Variants in AEN observed in about 807,000 individuals in gnomAD.
The protein encoded by AEN is apoptosis-enhancing nuclease.
Under a neutral mutation model 17.7 loss-of-function variants are expected in AEN, and 21 were observed. The ratio of observed to expected loss-of-function variants is 1.19; its 90% CI spans 0.84 to 1.71. The LOEUF (loss-of-function observed/expected upper bound fraction) is 1.71. AEN is among the 40% of genes most tolerant of loss of function. The probability of loss-of-function intolerance (pLI) is 0.00; values close to 1 mark genes in which losing one functional copy is unlikely to be tolerated. For missense variants in AEN, 462 were observed against 435.9 expected (o/e 1.06, Z -0.53); for synonymous variants, 190 against 173.0 (o/e 1.10, Z -0.77).
In AEN at chr15:88,630,135, G is replaced by C. The variant is rs771237311; in HGVS notation, c.819G>C (p.Trp273Cys). ...MELYRLVEVQ[W>C]EQQEARSLWT... ...TCTACCGGCTGGTGGAGGTGCAGTG[G>C]GAACAGCAGGAGGCCCGCAGCCTCT... The change falls in exon 4 of 4, where the codon TGG (tryptophan) becomes TGC (cysteine). Residue 273 changes from tryptophan to cysteine, a missense_variant. Physicochemically the swap from Trp to Cys is radical, Grantham distance 215. Transcript: ENST00000332810. This position sits in a 1 kb window ranked among gnomAD's most constrained non-coding sequence, Gnocchi z 5.1. 1.9e-6 allele frequency: 3 copies of C among 1,613,832 alleles called. No homozygotes were observed. Among genetic ancestry groups the C allele is most frequent in the Non-Finnish European group, 2.5e-6 (3 of 1,180,018 alleles).
Position 88,626,709 on chromosome 15 carries a change from A to C in AEN, c.500A>C (p.His167Pro). 6.2e-7 allele frequency: 1 copy of C among 1,612,732 alleles called. No homozygotes were observed. The stretch of plus-strand genomic sequence containing the variant: ...CGCTGGAGTGGCATCACTCGGCAGC[A>C]CATGCGCAAGGCTGTCCCCTTCCAG... The part of the protein sequence containing the change: ...RTRWSGITRQ[H>P]MRKAVPFQVA... The change falls in exon 2 of 4, where the codon CAC becomes CCC. Residue 167 changes from histidine (H) to proline (P), a missense_variant. By Grantham distance (77) the His-to-Pro change is moderately conservative. Coordinates refer to ENST00000332810, the MANE Select transcript of AEN (RefSeq NM_022767.4).
At position 88,630,152 on chromosome 15, in the gene AEN, G is replaced by A. The variant is rs1355837669; in HGVS notation, c.836G>A (p.Arg279His). The part of the protein sequence containing the change: ...VEVQWEQQEA[R>H]SLWTCPEDRE... ...GTGCAGTGGGAACAGCAGGAGGCCC[G>A]CAGCCTCTGGACCTGCCCCGAGGAC... Residue 279 changes from arginine (R) to histidine (H), a missense_variant, in exon 4 of 4, where the codon CGC becomes CAC. By Grantham distance (29) the Arg-to-His change is conservative. Coordinates refer to ENST00000332810, the MANE Select transcript of AEN (RefSeq NM_022767.4). The surrounding 1 kb of genome is among the most constrained non-coding windows in gnomAD (Gnocchi z 5.1). 20 of 1,613,432 alleles carry A rather than the reference G, an allele frequency of 1.2e-5. No homozygotes were observed. The East Asian group carries it at 3.3e-4, about 27-fold the overall frequency.
intron 3 of AEN, 93 bp downstream of exon 3, chr15:88,629,519 C>A (rs1033498607): frequency 4.9e-6 from 7 of 1,438,312 alleles, no homozygotes; most frequent in East Asian, 4.6e-5. Context: ...GTGTCTCCAG[C>A]CTCCTTGTCA....
At chr15:88,620,192 G>A (rs1450970827), upstream of AEN, among the ~76,000 whole-genome samples, 2 of 152,012 alleles carry the variant, frequency 1.3e-5, no homozygotes, top group Non-Finnish European at 2.9e-5. Context: ...TGTGAACTAA[G>A]AGAAGTCAGA....
chr15:88,631,779 C>A lies in AEN; in HGVS notation c.*1485C>A, dbSNP rs1191949432. ...ACAGAACTGCTCCGGCTTGGCTGTTCCAGCAGGTGGGGCGCTGGCCTCGGT... is the reference window on the plus strand; with the variant it reads ...ACAGAACTGCTCCGGCTTGGCTGTTACAGCAGGTGGGGCGCTGGCCTCGGT... On this transcript the variant is annotated 3_prime_UTR_variant, in exon 4 of 4. Coordinates refer to ENST00000332810, the MANE Select transcript of AEN (RefSeq NM_022767.4). The A allele has an allele frequency of 6.6e-6, 1 of 152,382 alleles. No homozygotes were observed. Among genetic ancestry groups the A allele is most frequent in the African/African-American group, 2.4e-5 (1 of 41,446 alleles). 9.4% of individuals were successfully genotyped at this position (152,382 alleles called of 1,614,324 possible).
intron 2 of AEN, chr15:88,627,982 C>T (rs1021673296): frequency 6.6e-6 from 1 of 152,020 alleles, no homozygotes; most frequent in Non-Finnish European, 1.5e-5. Context: ...CCTACTTTTT[C>T]ACATAACATT....
At chr15:88,614,173 A>G in the AEN span, among the ~76,000 whole-genome samples, 8 of 152,308 alleles carry the variant, frequency 5.3e-5, no homozygotes, top group Non-Finnish European at 1.2e-4. Flanking sequence ...GTCACTCAGC[A>G]AAATAGACAA....
In AEN at chr15:88,631,683, A is replaced by G. The variant is rs771359728; in HGVS notation, c.*1389A>G. The G allele has an allele frequency of 2.8e-4, 42 of 150,264 alleles. No individual in the cohort carries two copies. The highest frequency in any genetic ancestry group is 6.0e-4 in the Non-Finnish European group (41 of 67,914). 9.3% of individuals were successfully genotyped at this position (150,264 alleles called of 1,614,324 possible). A position where few individuals can be genotyped will look rare whatever the true frequency, so the allele number is the denominator to read the frequency against. ...TTTTTTTTTTTTAAGCCCATTGTTT[A>G]TTCTTTGAGAATTTGTTGTAACTTC... On this transcript the variant is annotated 3_prime_UTR_variant, in exon 4 of 4. Transcript: ENST00000332810.
chr15:88,629,976 C>A, intron 3 of AEN, 82 bp from the exon 4 acceptor site: 1 of 1,331,140 alleles, frequency 7.5e-7, no homozygotes, highest in Non-Finnish European at 1.1e-6. Context: ...CACAAAGAGC[C>A]CTGGGAAACT....
upstream of AEN, among the ~76,000 whole-genome samples, chr15:88,620,204 T>G (rs1158502260): frequency 6.6e-6 from 1 of 152,108 alleles, no homozygotes; most frequent in East Asian, 1.9e-4. Flanking sequence ...GAAGTCAGAC[T>G]GCTTAGGTAA....
intron 2 of AEN, 107 bp from the exon 3 acceptor site, chr15:88,629,119 C>T (rs1298793550): frequency 9.0e-6 from 10 of 1,115,768 alleles, no homozygotes; most frequent in Middle Eastern, 2.2e-4. Flanking sequence ...GTGCTGCCTC[C>T]CCCCACAGGG....
At position 88,626,626 on chromosome 15, in the gene AEN, C is replaced by T. The variant is rs1236742992; in HGVS notation, c.417C>T (p.Gly139=). 3 of 1,614,058 alleles carry T rather than the reference C, an allele frequency of 1.9e-6. No individual in the cohort carries two copies. The highest frequency in any genetic ancestry group is 2.5e-6 in the Non-Finnish European group (3 of 1,180,026). Residue 139 remains glycine, a synonymous_variant, in exon 2 of 4, where the codon GGC becomes GGT. Transcript: ENST00000332810. ...LARCSIVSYH[G]NVLYDKYIRP... ...GCTGTTCCATTGTGAGCTACCATGG[C>T]AATGTCCTCTATGACAAGTACATCA...
At chr15:88,605,329 G>T in the AEN span, among the ~76,000 whole-genome samples, 3 of 152,116 alleles carry the variant, frequency 2.0e-5, no homozygotes, top group Non-Finnish European at 2.9e-5. This position sits in a 1 kb window ranked among gnomAD's most constrained non-coding sequence, Gnocchi z 7.6. Context: ...CAACCCAGCC[G>T]CCCCAAGCCC....
chr15:88,631,370 T>C lies in AEN; in HGVS notation c.*1076T>C, dbSNP rs768295246. 4.0e-6 allele frequency: 1 copy of C among 252,246 alleles called. No homozygotes were observed. The highest frequency in any genetic ancestry group is 8.9e-5 in the East Asian group (1 of 11,258). The allele number at this position is 252,246 out of a possible 1,614,324, so 15.6% of individuals were successfully genotyped here. ...TCACTGTGGCTGTTGGGTTTTCTCC[T>C]ATTTCTAAAAATGTTCTCTTCTTTC... On this transcript the variant is annotated 3_prime_UTR_variant, in exon 4 of 4. Transcript: ENST00000332810.
chr15:88,614,089 G>A, the AEN span, among the ~76,000 whole-genome samples: 2 of 152,208 alleles, frequency 1.3e-5, no homozygotes, highest in South Asian at 4.1e-4. Context: ...TTGAAAGAAT[G>A]AATATAGACC....
chr15:88,621,027 G>A (rs563245467), upstream of AEN, among the ~76,000 whole-genome samples: 5 of 152,314 alleles, frequency 3.3e-5, no homozygotes, highest in South Asian at 1.0e-3. Flanking sequence ...GTGGTACCAG[G>A]CTTACAGGAG....
the AEN span, among the ~76,000 whole-genome samples, chr15:88,612,201 TCACTTTGGGG>T: frequency 1.3e-5 from 2 of 152,010 alleles, no homozygotes; most frequent in Non-Finnish European, 2.9e-5. Flanking sequence ...CCCCCAACAA[TCACTTTGGGG>T]CACCTATAAT....
chr15:88,608,220 G>C, the AEN span: 2 of 514,240 alleles, frequency 3.9e-6, no homozygotes, highest in African/African-American at 1.9e-5. Context: ...TACACAGAAG[G>C]ATTGAATCTG....
At chr15:88,617,839 G>GA (rs34780546), upstream of AEN, among the ~76,000 whole-genome samples, 121,814 of 151,830 alleles carry the variant, frequency 0.8, 50,986 homozygotes, top group Non-Finnish European at 0.92. Context: ...TGATCAGCTG[G>GA]AAAAAAATGC....
Sources: gnomAD v4.1 joint callset for allele counts (sites outside exome capture counted in the v4.1 genomes callset) on GRCh38, gnomAD v4.1.1 for gene constraint, Gnocchi (gnomAD v3.1) non-coding constraint, MANE v1.5 for transcripts, NCBI Gene and HGNC (gene_info 2026-07-23, HGNC 2026-07-21) for gene names.